The following MIPEP variants were observed in gnomAD, a reference collection of about 807,000 sequenced individuals.
MIPEP encodes the protein mitochondrial intermediate peptidase.
MIPEP carries 79 observed loss-of-function variants against 90.3 expected under a neutral mutation model. That is an observed-to-expected ratio of 0.87 (90% CI 0.73 to 1.05). The LOEUF (loss-of-function observed/expected upper bound fraction) is 1.05. Among genes scored for constraint, MIPEP ranks in the 50% least tolerant of loss-of-function variants. The probability of loss-of-function intolerance (pLI) is 0.00; values close to 1 mark genes in which losing one functional copy is unlikely to be tolerated. For synonymous variants in MIPEP, 334 were observed against 315.8 expected, an observed-to-expected ratio of 1.06 and a Z score of -0.61; for missense variants, 940 against 905.6, an observed-to-expected ratio of 1.04 and a Z score of -0.49.
chr13:23,818,342 C>T lies in MIPEP; in HGVS notation c.1654-8418G>A, dbSNP rs185987595. On this transcript the variant is annotated intron_variant, in intron 14 of 18. Coordinates refer to ENST00000382172, the MANE Select transcript of MIPEP (RefSeq NM_005932.4). ...GGCTGAGGCATGAGAATCGCTGGAA[C>T]GCGAATGCGGGAGGTAGAGGATGCA... Among the ~76,000 whole-genome samples the T allele has an allele frequency of 1.6e-4, 25 of 152,190 alleles. No individual in the cohort carries two copies. In the South Asian group the frequency reaches 2.3e-3, roughly 14 times the overall value.
chr13:23,748,549 C>A lies in MIPEP; in HGVS notation c.2044+7996G>T, dbSNP rs139373413. Among the ~76,000 whole-genome samples the A allele has an allele frequency of 1.2e-4, 18 of 152,310 alleles. No individual in the cohort carries two copies. The East Asian group carries it at 1.9e-3, about 16-fold the overall frequency. On this transcript the variant is annotated intron_variant, in intron 18 of 18. Coordinates refer to ENST00000382172, the MANE Select transcript of MIPEP (RefSeq NM_005932.4). ...GAGACTCTATTCATAAATGTTTAAA[C>A]AACCCATCAAAATTCATCAGAATGA...
chr13:23,831,340 C>T (rs1030277289), intron 14 of MIPEP, among the ~76,000 whole-genome samples: 1 of 127,108 alleles, frequency 7.9e-6, no homozygotes, highest in African/African-American at 3.2e-5. Context: ...ACTCTGAGTA[C>T]CCAAATGATC....
chr13:23,782,561 C>A (rs1272607914), intron 16 of MIPEP, among the ~76,000 whole-genome samples: 5 of 152,052 alleles, frequency 3.3e-5, no homozygotes, highest in Non-Finnish European at 7.4e-5. Flanking sequence ...GAAGCAAGAG[C>A]AAACACATTC....
At chr13:23,793,382 T>C (rs1216028982) in intron 16 of MIPEP, among the ~76,000 whole-genome samples, 1 of 152,126 alleles carries the variant, frequency 6.6e-6, no homozygotes, top group Non-Finnish European at 1.5e-5. Context: ...GCAAAACTAG[T>C]GGTTAACTTT....
chr13:23,851,408 G>A (rs1395847294), intron 10 of MIPEP, among the ~76,000 whole-genome samples: 2 of 152,196 alleles, frequency 1.3e-5, no homozygotes, highest in Non-Finnish European at 2.9e-5. Context: ...ATACTCATTT[G>A]TCACTAGTTC....
chr13:23,861,926 A>G (rs1036931510), intron 9 of MIPEP, among the ~76,000 whole-genome samples: 2 of 152,224 alleles, frequency 1.3e-5, no homozygotes, highest in Non-Finnish European at 2.9e-5. Flanking sequence ...AAGCAAATGA[A>G]CTGCAACATT....
chr13:23,763,171 G>A (rs1190145349), intron 16 of MIPEP, among the ~76,000 whole-genome samples: 1 of 152,194 alleles, frequency 6.6e-6, no homozygotes, highest in African/African-American at 2.4e-5. Context: ...TTATTTAAAA[G>A]GGGTATTTGT....
intron 15 of MIPEP, among the ~76,000 whole-genome samples, chr13:23,806,404 G>A (rs529703638): frequency 6.8e-4 from 104 of 152,244 alleles, no homozygotes; most frequent in Middle Eastern, 3.4e-3. Flanking sequence ...AAGGCCAGGC[G>A]CGGTGGCTCA....
chr13:23,804,864 C>T (rs1249547752), intron 16 of MIPEP, among the ~76,000 whole-genome samples: 2 of 152,148 alleles, frequency 1.3e-5, no homozygotes. Context: ...TTATAGTTTA[C>T]AAAACACTTT....
At chr13:23,753,947 TA>T (rs1005747485) in intron 18 of MIPEP, among the ~76,000 whole-genome samples, 2 of 151,780 alleles carry the variant, frequency 1.3e-5, no homozygotes, top group Non-Finnish European at 2.9e-5. Flanking sequence ...ACTAAGGAGG[TA>T]AAAAAAAGTT....
chr13:23,747,277 C>T (rs1379734881), intron 18 of MIPEP, among the ~76,000 whole-genome samples: 1 of 152,196 alleles, frequency 6.6e-6, no homozygotes, highest in Non-Finnish European at 1.5e-5. Flanking sequence ...GAATCTCCTT[C>T]CTGCATGCTG....
intron 17 of MIPEP, among the ~76,000 whole-genome samples, chr13:23,757,722 T>G (rs1054784946): frequency 3.9e-5 from 6 of 152,164 alleles, no homozygotes; most frequent in African/African-American, 1.4e-4. Flanking sequence ...TGGTACTCTG[T>G]GTCACCTGGA....
At chr13:23,879,125 G>C in intron 4 of MIPEP, 143 bp downstream of exon 4, 2 of 652,748 alleles carry the variant, frequency 3.1e-6, no homozygotes, top group Non-Finnish European at 2.8e-6. Context: ...TGGAGTCCTA[G>C]AGAAAGTGCA....
intron 14 of MIPEP, among the ~76,000 whole-genome samples, chr13:23,823,733 C>T (rs936120540): frequency 2.0e-4 from 30 of 152,150 alleles, no homozygotes; most frequent in African/African-American, 6.8e-4. Flanking sequence ...GAGGCTGGGG[C>T]AGGAGGACTG....
chr13:23,814,210 TA>T (rs1953209085), intron 14 of MIPEP, among the ~76,000 whole-genome samples: 1 of 152,238 alleles, frequency 6.6e-6, no homozygotes, highest in Non-Finnish European at 1.5e-5. Context: ...CACTGACATA[TA>T]ATTTCTCAAT....
chr13:23,799,229 C>T (rs1056965487), intron 16 of MIPEP, among the ~76,000 whole-genome samples: 5 of 151,320 alleles, frequency 3.3e-5, no homozygotes, highest in African/African-American at 1.2e-4. Flanking sequence ...AGGCTGGTTT[C>T]GAACTCCTAA....
At chr13:23,863,223 G>A (rs1399873673) in intron 8 of MIPEP, among the ~76,000 whole-genome samples, 1 of 152,166 alleles carries the variant, frequency 6.6e-6, no homozygotes, top group African/African-American at 2.4e-5. Context: ...CTTCTTCCTA[G>A]AATCCTTAGT....
chr13:23,745,024 C>G lies in MIPEP; in HGVS notation c.2044+11521G>C, dbSNP rs578183474. On this transcript the variant is annotated intron_variant, in intron 18 of 18. Transcript: ENST00000382172. The stretch of plus-strand genomic sequence containing the variant: ...AATTTAAGTACAGGTTGGCCTTCCT[C>G]CTGACCCTAAAGCTTAAACAAAACA... Among the ~76,000 whole-genome samples, 8 of 152,244 alleles carry G rather than the reference C, an allele frequency of 5.3e-5. No homozygotes were observed. The South Asian group carries it at 8.3e-4, about 16-fold the overall frequency.
intron 16 of MIPEP, among the ~76,000 whole-genome samples, chr13:23,790,997 C>G (rs373144090): frequency 5.1e-4 from 78 of 152,246 alleles, no homozygotes; most frequent in African/African-American, 1.8e-3. Flanking sequence ...CATTCCTTTG[C>G]TCAACAATCA....
Sources: gnomAD v4.1 joint callset for allele counts (sites outside exome capture counted in the v4.1 genomes callset) on GRCh38, gnomAD v4.1.1 for gene constraint, MANE v1.5 for transcripts, NCBI Gene and HGNC (gene_info 2026-07-23, HGNC 2026-07-21) for gene names.